PDGFC: variants seen among roughly 807,000 people sequenced by gnomAD.
The protein encoded by PDGFC is platelet derived growth factor C.
Under a neutral mutation model 35.5 loss-of-function variants are expected in PDGFC, and 12 were observed. The ratio of observed to expected loss-of-function variants is 0.34; its 90% CI spans 0.22 to 0.55. The LOEUF (loss-of-function observed/expected upper bound fraction) is 0.55. Ranked by LOEUF, PDGFC falls within the 20% of genes least tolerant of loss-of-function variation. The pLI, the probability that PDGFC is intolerant of heterozygous loss-of-function variation, is 0.91. For missense variants in PDGFC, 322 were observed against 412.4 expected (o/e 0.78, Z 1.90); for synonymous variants, 159 against 148.8 (o/e 1.07, Z -0.50).
intron 2 of PDGFC, among the ~76,000 whole-genome samples, chr4:156,820,695 T>C (rs1459311482): frequency 6.6e-6 from 1 of 152,152 alleles, no homozygotes; most frequent in African/African-American, 2.4e-5. Flanking sequence ...GAACTAAGAA[T>C]GACCCTTCAG....
chr4:156,768,092 T>C (rs753609093), intron 4 of PDGFC, 102 bp from the exon 5 acceptor site: 5 of 743,978 alleles, frequency 6.7e-6, no homozygotes, highest in Non-Finnish European at 1.2e-5. Context: ...CGTTATTTCA[T>C]GAACAATATC....
At chr4:156,788,784 G>A (rs1462942371) in intron 3 of PDGFC, among the ~76,000 whole-genome samples, 1 of 152,124 alleles carries the variant, frequency 6.6e-6, no homozygotes, top group African/African-American at 2.4e-5. Context: ...TACTTTAAAA[G>A]AATTTATCTT....
intron 3 of PDGFC, among the ~76,000 whole-genome samples, chr4:156,792,690 T>C (rs1249276903): frequency 1.3e-5 from 2 of 152,212 alleles, no homozygotes; most frequent in African/African-American, 4.8e-5. Flanking sequence ...TCAGGAAGTC[T>C]ACAGACCTAT....
At chr4:156,926,552 A>G (rs1002425064) in intron 1 of PDGFC, among the ~76,000 whole-genome samples, 1 of 152,212 alleles carries the variant, frequency 6.6e-6, no homozygotes, top group African/African-American at 2.4e-5. Flanking sequence ...GTAATTGGCC[A>G]AAACAAAGGG....
At chr4:156,865,505 G>A (rs1229704961) in intron 1 of PDGFC, among the ~76,000 whole-genome samples, 1 of 151,886 alleles carries the variant, frequency 6.6e-6, no homozygotes, top group Non-Finnish European at 1.5e-5. Context: ...AGTTTTTAAG[G>A]GAAAATGACA....
chr4:156,913,612 C>G (rs1402792674), intron 1 of PDGFC, among the ~76,000 whole-genome samples: 2 of 152,222 alleles, frequency 1.3e-5, no homozygotes, highest in Non-Finnish European at 2.9e-5. Flanking sequence ...AAATCTGTCT[C>G]CTGAATTAGA....
intron 2 of PDGFC, among the ~76,000 whole-genome samples, chr4:156,843,416 C>A (rs1408287768): frequency 2.0e-5 from 3 of 152,212 alleles, no homozygotes; most frequent in Non-Finnish European, 4.4e-5. Flanking sequence ...AACCACCATG[C>A]ATGTGCTCCA....
At chr4:156,793,984 A>C (rs1423996393) in intron 3 of PDGFC, among the ~76,000 whole-genome samples, 1 of 152,122 alleles carries the variant, frequency 6.6e-6, no homozygotes, top group Non-Finnish European at 1.5e-5. Flanking sequence ...AGCTACTAAT[A>C]CCTTAGTAGC....
intron 1 of PDGFC, among the ~76,000 whole-genome samples, chr4:156,939,130 T>C (rs1731748980): frequency 6.6e-6 from 1 of 152,096 alleles, no homozygotes; most frequent in African/African-American, 2.4e-5. Context: ...TGGGCCTCTA[T>C]TATTAATTAA....
intron 1 of PDGFC, among the ~76,000 whole-genome samples, chr4:156,885,485 C>G (rs531118653): frequency 6.6e-6 from 1 of 152,204 alleles, no homozygotes; most frequent in Non-Finnish European, 1.5e-5. Context: ...TGGCTTTATG[C>G]CTTTAATTTC....
At chr4:156,765,703 G>A (rs975045899) in intron 5 of PDGFC, among the ~76,000 whole-genome samples, 9 of 152,254 alleles carry the variant, frequency 5.9e-5, no homozygotes, top group South Asian at 2.1e-4. Context: ...AAAAAGGAAC[G>A]AATATTTTAC....
intron 1 of PDGFC, among the ~76,000 whole-genome samples, chr4:156,935,977 C>T (rs1413569507): frequency 6.6e-6 from 1 of 152,080 alleles, no homozygotes. Flanking sequence ...AGGAAAAAAC[C>T]TGACAATTGC....
intron 1 of PDGFC, among the ~76,000 whole-genome samples, chr4:156,878,047 G>A (rs1730156484): frequency 6.6e-6 from 1 of 152,176 alleles, no homozygotes; most frequent in Admixed American, 6.6e-5. Flanking sequence ...CGAGGTATAG[G>A]ACTAGGTTTG....
intron 2 of PDGFC, among the ~76,000 whole-genome samples, chr4:156,820,050 G>A (rs1486875942): frequency 1.3e-5 from 2 of 152,202 alleles, no homozygotes; most frequent in East Asian, 3.9e-4. Context: ...AACCTGAACA[G>A]GTAACTGAAT....
chr4:156,868,036 C>T (rs182344707), intron 1 of PDGFC, among the ~76,000 whole-genome samples: 104 of 152,222 alleles, frequency 6.8e-4, no homozygotes, highest in Non-Finnish European at 1.2e-3. Context: ...CACCACCACA[C>T]CCAGCTGGCC....
At chr4:156,850,804 A>T (rs1729435420) in intron 1 of PDGFC, among the ~76,000 whole-genome samples, 1 of 141,664 alleles carries the variant, frequency 7.1e-6, no homozygotes, top group Non-Finnish European at 1.5e-5. Context: ...TAAAAAATAC[A>T]AATAATGATT....
chr4:156,947,263 G>A (rs1731970878), intron 1 of PDGFC, among the ~76,000 whole-genome samples: 1 of 151,920 alleles, frequency 6.6e-6, no homozygotes, highest in African/African-American at 2.4e-5. Context: ...CTCTGCTATG[G>A]ATGGACTAGC....
At chr4:156,919,733 T>C (rs944755914) in intron 1 of PDGFC, among the ~76,000 whole-genome samples, 8 of 152,198 alleles carry the variant, frequency 5.3e-5, no homozygotes, top group African/African-American at 1.4e-4. Flanking sequence ...GACAAGACAG[T>C]AATAATTTGG....
At chr4:156,925,517 C>T (rs1731387247) in intron 1 of PDGFC, among the ~76,000 whole-genome samples, 1 of 151,542 alleles carries the variant, frequency 6.6e-6, no homozygotes. Flanking sequence ...TTTAAGAAGG[C>T]AGAAGAATAG....
Sources: allele counts gnomAD v4.1 joint callset (sites outside exome capture counted in the v4.1 genomes callset), GRCh38; gene constraint gnomAD v4.1.1; transcripts MANE v1.5; gene names NCBI Gene and HGNC (gene_info 2026-07-23, HGNC 2026-07-21).